MPPED2: variants seen among roughly 807,000 people sequenced by gnomAD.
MPPED2 encodes metallophosphoesterase domain containing 2.
MPPED2 carries 5 observed loss-of-function variants against 33.0 expected under a neutral mutation model. The ratio of observed to expected loss-of-function variants is 0.15; its 90% CI spans 0.08 to 0.32. The LOEUF (loss-of-function observed/expected upper bound fraction) is 0.32. Ranked by LOEUF, MPPED2 falls within the 10% of genes least tolerant of loss-of-function variation. The probability of loss-of-function intolerance (pLI) is 1.00; values close to 1 mark genes in which losing one functional copy is unlikely to be tolerated. For missense variants in MPPED2, 275 were observed against 372.1 expected (o/e 0.74, Z 2.15); for synonymous variants, 136 against 141.9 (o/e 0.96, Z 0.29).
intron 4 of MPPED2, chr11:30,428,821 A>C (rs1167428686): frequency 3.9e-5 from 6 of 152,220 alleles, no homozygotes; most frequent in African/African-American, 1.4e-4. Flanking sequence ...ATATAGATTA[A>C]AAATTAAATG....
chr11:30,572,036 A>T (rs112883606), intron 2 of MPPED2, among the ~76,000 whole-genome samples: 1 of 152,148 alleles, frequency 6.6e-6, no homozygotes, highest in Non-Finnish European at 1.5e-5. Context: ...TAGTTGCAGG[A>T]TATGTCTATG....
chr11:30,391,621 G>A (rs117917989), intron 6 of MPPED2, among the ~76,000 whole-genome samples: 72 of 152,116 alleles, frequency 4.7e-4, no homozygotes, highest in Admixed American at 2.7e-3. Context: ...ATGTGTACAT[G>A]TGTGGATTCA....
intron 2 of MPPED2, among the ~76,000 whole-genome samples, chr11:30,571,783 G>A (rs1284799633): frequency 6.6e-6 from 1 of 152,172 alleles, no homozygotes; most frequent in Non-Finnish European, 1.5e-5. Context: ...AGTAGATTTA[G>A]CAGCATTAGC....
At chr11:30,432,435 A>G (rs1313698614) in intron 4 of MPPED2, among the ~76,000 whole-genome samples, 1 of 134,258 alleles carries the variant, frequency 7.4e-6, no homozygotes, top group African/African-American at 4.0e-5. Flanking sequence ...AGCAGGTTAT[A>G]GTTTACTTCT....
intron 3 of MPPED2, among the ~76,000 whole-genome samples, chr11:30,533,694 C>T (rs564957752): frequency 7.2e-4 from 110 of 152,248 alleles, no homozygotes; most frequent in Admixed American, 1.2e-3. Flanking sequence ...CCCAACTTCT[C>T]TAACCATATC....
At chr11:30,386,744 A>G in exon 7 of MPPED2, 1 of 398,548 alleles carries the variant, frequency 2.5e-6, no homozygotes, top group Non-Finnish European at 4.4e-6. Flanking sequence ...CATTCACAAC[A>G]GTCAAACCCT....
intron 4 of MPPED2, among the ~76,000 whole-genome samples, chr11:30,487,987 C>T (rs965212028): frequency 5.9e-5 from 9 of 152,036 alleles, no homozygotes; most frequent in African/African-American, 1.7e-4. Context: ...GCTCAGGCCA[C>T]GGAGTAGACA....
Position 30,410,437 on chromosome 11 carries a change from G to T in MPPED2, c.*1031C>A. 1 of 971,002 alleles carries T rather than the reference G, an allele frequency of 1.0e-6. No individual in the cohort carries two copies. The highest frequency in any genetic ancestry group is 1.2e-6 in the Non-Finnish European group (1 of 820,448). The allele number at this position is 971,002 out of a possible 1,614,324, so 60.1% of individuals were successfully genotyped here. On this transcript the variant is annotated 3_prime_UTR_variant, in exon 7 of 7. Transcript: ENST00000358117. ...TTGCATCGACACACAGTGCAAAATGGGAGAGGGGAGAGGAAGTAAGAAGAC... is the reference window on the plus strand; with the variant it reads ...TTGCATCGACACACAGTGCAAAATGTGAGAGGGGAGAGGAAGTAAGAAGAC...
intron 4 of MPPED2, among the ~76,000 whole-genome samples, chr11:30,478,725 G>A (rs755375192): frequency 6.6e-6 from 1 of 152,046 alleles, no homozygotes; most frequent in Non-Finnish European, 1.5e-5. Flanking sequence ...AATGGCTAAG[G>A]ATTTATGAGA....
intron 4 of MPPED2, among the ~76,000 whole-genome samples, chr11:30,418,861 G>A (rs1011200081): frequency 1.3e-5 from 2 of 152,182 alleles, no homozygotes; most frequent in African/African-American, 4.8e-5. Context: ...ATTTGGTGGT[G>A]GACATGTATA....
At chr11:30,472,361 G>GAATAAT (rs35857172) in intron 4 of MPPED2, among the ~76,000 whole-genome samples, 84 of 150,852 alleles carry the variant, frequency 5.6e-4, no homozygotes, top group African/African-American at 1.7e-3. Context: ...GGCCTGTCTC[G>GAATAAT]AATAATAATA....
At chr11:30,448,436 C>A (rs538823463) in intron 4 of MPPED2, among the ~76,000 whole-genome samples, 1 of 152,186 alleles carries the variant, frequency 6.6e-6, no homozygotes, top group African/African-American at 2.4e-5. Context: ...TATCTATGGT[C>A]TGAAGCCCAG....
At chr11:30,466,712 T>G (rs1950721126) in intron 4 of MPPED2, among the ~76,000 whole-genome samples, 1 of 152,232 alleles carries the variant, frequency 6.6e-6, no homozygotes, top group Admixed American at 6.5e-5. Flanking sequence ...TTCTATTATT[T>G]TCTCCCAGTT....
At chr11:30,429,869 C>A (rs765379866) in intron 4 of MPPED2, among the ~76,000 whole-genome samples, 6 of 152,214 alleles carry the variant, frequency 3.9e-5, no homozygotes, top group Non-Finnish European at 5.9e-5. Context: ...ATTTGTCATG[C>A]TCTGCATTAT....
At chr11:30,572,170 T>G (rs1956723176) in intron 2 of MPPED2, among the ~76,000 whole-genome samples, 1 of 152,140 alleles carries the variant, frequency 6.6e-6, no homozygotes, top group African/African-American at 2.4e-5. Context: ...ATCAAAATTC[T>G]TTACCCTCCC....
Position 30,539,531 on chromosome 11 carries a change from A to G in MPPED2, c.129-3356T>C, listed in dbSNP as rs560948716. Among the ~76,000 whole-genome samples, 10 of 152,264 alleles carry G rather than the reference A, an allele frequency of 6.6e-5. No homozygotes were observed. The South Asian group carries it at 8.3e-4, about 13-fold the overall frequency. On this transcript the variant is annotated intron_variant, in intron 2 of 6. Coordinates refer to ENST00000358117, the MANE Select transcript of MPPED2 (RefSeq NM_001584.3). ...TAAACCTTATGGGGCATCTCGTTCA[A>G]TGTTTTACATGACATCTGAATCTCC...
At chr11:30,519,189 A>G (rs572253621) in intron 3 of MPPED2, among the ~76,000 whole-genome samples, 36 of 152,218 alleles carry the variant, frequency 2.4e-4, no homozygotes, top group African/African-American at 8.7e-4. Flanking sequence ...GAATTGCTTG[A>G]GCCCAAGAGG....
At chr11:30,460,025 G>A (rs1055280754) in intron 4 of MPPED2, among the ~76,000 whole-genome samples, 30 of 152,284 alleles carry the variant, frequency 2.0e-4, no homozygotes, top group African/African-American at 5.8e-4. Flanking sequence ...GAAAGCACTG[G>A]GAGCTTGGCC....
At chr11:30,493,554 A>C (rs1231604510) in intron 4 of MPPED2, among the ~76,000 whole-genome samples, 1 of 150,510 alleles carries the variant, frequency 6.6e-6, no homozygotes, top group Non-Finnish European at 1.5e-5. Context: ...CTTCTGCTCT[A>C]CATACACACA....
Sources: allele counts gnomAD v4.1 joint callset (sites outside exome capture counted in the v4.1 genomes callset), GRCh38; gene constraint gnomAD v4.1.1; transcripts MANE v1.5; gene names NCBI Gene and HGNC (gene_info 2026-07-23, HGNC 2026-07-21).